The following ZNF804B variants were observed in gnomAD, a reference collection of about 807,000 sequenced individuals.
ZNF804B encodes the protein zinc finger 804B.
In ZNF804B, 80 loss-of-function variants were observed where a neutral mutation model predicts 101.4. The ratio of observed to expected loss-of-function variants is 0.79; its 90% CI spans 0.66 to 0.95. The LOEUF is 0.95. Among genes scored for constraint, ZNF804B ranks in the 40% least tolerant of loss-of-function variants. The pLI is 0.00. For synonymous variants in ZNF804B, 622 were observed against 558.8 expected (o/e 1.11, Z -1.59); for missense variants, 1,673 against 1,561.9 (o/e 1.07, Z -1.20).
chr7:88,933,876 T>C (rs1053935633), intron 1 of ZNF804B, among the ~76,000 whole-genome samples: 1 of 149,196 alleles, frequency 6.7e-6, no homozygotes, highest in Non-Finnish European at 1.5e-5. Context: ...CCCATCAAAA[T>C]ACCATCATCA....
chr7:89,244,976 A>C (rs1399705453), intron 2 of ZNF804B, among the ~76,000 whole-genome samples: 1 of 152,194 alleles, frequency 6.6e-6, no homozygotes, highest in Non-Finnish European at 1.5e-5. Context: ...TCCTAGAGGA[A>C]TGACAAATTA....
At chr7:88,908,237 T>C (rs970240880) in intron 1 of ZNF804B, among the ~76,000 whole-genome samples, 1 of 151,846 alleles carries the variant, frequency 6.6e-6, no homozygotes, top group African/African-American at 2.4e-5. Flanking sequence ...ATAATTTTTT[T>C]ATTTTACTTT....
chr7:89,061,309 T>G (rs1399938157), intron 1 of ZNF804B, among the ~76,000 whole-genome samples: 1 of 152,122 alleles, frequency 6.6e-6, no homozygotes, highest in Non-Finnish European at 1.5e-5. Flanking sequence ...TTTTGAAATT[T>G]TGATCTTTTG....
At chr7:89,212,522 C>T (rs755658374) in intron 1 of ZNF804B, among the ~76,000 whole-genome samples, 1 of 152,112 alleles carries the variant, frequency 6.6e-6, no homozygotes, top group African/African-American at 2.4e-5. Flanking sequence ...GCTTAAATAT[C>T]ATCATTCTCC....
intron 1 of ZNF804B, among the ~76,000 whole-genome samples, chr7:89,011,566 G>T (rs1788462951): frequency 6.6e-6 from 1 of 152,100 alleles, no homozygotes; most frequent in South Asian, 2.1e-4. Context: ...AAATACAGCT[G>T]TTCCAAATGG....
At chr7:89,214,257 A>T (rs1381660826) in intron 1 of ZNF804B, among the ~76,000 whole-genome samples, 2 of 152,208 alleles carry the variant, frequency 1.3e-5, no homozygotes, top group African/African-American at 4.8e-5. Context: ...ATTGAGAGTG[A>T]TTAACAAGAA....
intron 1 of ZNF804B, among the ~76,000 whole-genome samples, chr7:88,773,373 A>G (rs1267613845): frequency 6.6e-6 from 1 of 151,660 alleles, no homozygotes; most frequent in African/African-American, 2.4e-5. Flanking sequence ...AATTAAAAAC[A>G]AAAATATTTC....
At chr7:89,144,278 C>A (rs1790758063) in intron 1 of ZNF804B, among the ~76,000 whole-genome samples, 2 of 151,864 alleles carry the variant, frequency 1.3e-5, no homozygotes, top group African/African-American at 4.8e-5. Flanking sequence ...AAAAGTCATA[C>A]AAATAGTCGT....
intron 1 of ZNF804B, among the ~76,000 whole-genome samples, chr7:88,923,446 C>T (rs1562833021): frequency 2.0e-5 from 3 of 152,032 alleles, no homozygotes; most frequent in Non-Finnish European, 4.4e-5. Flanking sequence ...TAATGTTTGT[C>T]ATCCAATTAA....
chr7:89,166,432 G>T (rs962909875), intron 1 of ZNF804B, among the ~76,000 whole-genome samples: 1 of 152,114 alleles, frequency 6.6e-6, no homozygotes, highest in Non-Finnish European at 1.5e-5. Context: ...AATAAAGTGA[G>T]CTAGGAAAAA....
intron 2 of ZNF804B, among the ~76,000 whole-genome samples, chr7:89,257,558 A>G (rs1049899945): frequency 6.6e-6 from 1 of 152,128 alleles, no homozygotes; most frequent in Non-Finnish European, 1.5e-5. Context: ...TACTCTTTGT[A>G]TTTAATCACT....
intron 1 of ZNF804B, among the ~76,000 whole-genome samples, chr7:89,188,982 G>A (rs188030720): frequency 3.2e-4 from 48 of 152,212 alleles, no homozygotes; most frequent in Non-Finnish European, 4.9e-4. Flanking sequence ...CCAGGCAACC[G>A]GTTTTCAATG....
At chr7:88,844,167 T>C (rs1204596815) in intron 1 of ZNF804B, among the ~76,000 whole-genome samples, 1 of 152,172 alleles carries the variant, frequency 6.6e-6, no homozygotes, top group Non-Finnish European at 1.5e-5. Flanking sequence ...TTTTATCAAC[T>C]TAACATTTCT....
rs1397921388 is a variant in ZNF804B at position 89,337,249 on chromosome 7, A to G, written c.*217A>G. Among the ~76,000 whole-genome samples the G allele has an allele frequency of 6.6e-6, 1 of 152,186 alleles. No individual in the cohort carries two copies. The highest frequency in any genetic ancestry group is 2.4e-5 in the African/African-American group (1 of 41,452). On this transcript the variant is annotated 3_prime_UTR_variant, in exon 4 of 4. Coordinates refer to ENST00000333190, the MANE Select transcript of ZNF804B (RefSeq NM_181646.5). ...ATAATAGGCAAATTTGAATAATTTT[A>G]TGAAAGCGTAGAGGGAAGAGGGAAA...
At chr7:88,997,402 A>G (rs1355612631) in intron 1 of ZNF804B, among the ~76,000 whole-genome samples, 1 of 152,146 alleles carries the variant, frequency 6.6e-6, no homozygotes, top group Non-Finnish European at 1.5e-5. Flanking sequence ...TTCTGAAGAC[A>G]TGGAGTTTTA....
At chr7:89,332,006 A>G (rs1278959388) in intron 3 of ZNF804B, among the ~76,000 whole-genome samples, 1 of 151,354 alleles carries the variant, frequency 6.6e-6, no homozygotes, top group Non-Finnish European at 1.5e-5. Flanking sequence ...ATATATGTAT[A>G]TATTAATATA....
At chr7:89,000,277 G>T (rs1413536187) in intron 1 of ZNF804B, among the ~76,000 whole-genome samples, 3 of 151,934 alleles carry the variant, frequency 2.0e-5, no homozygotes, top group African/African-American at 7.2e-5. Context: ...AAGATGCACT[G>T]TTAGCATTTA....
At chr7:88,921,834 T>C (rs921808650) in intron 1 of ZNF804B, among the ~76,000 whole-genome samples, 1 of 152,090 alleles carries the variant, frequency 6.6e-6, no homozygotes, top group African/African-American at 2.4e-5. Flanking sequence ...GGATCTAATT[T>C]GAAGATAAAT....
At chr7:89,194,926 T>G (rs1011906474) in intron 1 of ZNF804B, among the ~76,000 whole-genome samples, 38 of 152,272 alleles carry the variant, frequency 2.5e-4, no homozygotes, top group African/African-American at 8.2e-4. Context: ...TTCATGATAT[T>G]GATTCTTCCT....
Sources: gnomAD v4.1 joint callset for allele counts (sites outside exome capture counted in the v4.1 genomes callset) on GRCh38, gnomAD v4.1.1 for gene constraint, MANE v1.5 for transcripts, NCBI Gene and HGNC (gene_info 2026-07-23, HGNC 2026-07-21) for gene names.